Variants in OXCT1 observed in about 807,000 individuals in gnomAD.
OXCT1 encodes succinyl-CoA:3-ketoacid coenzyme A transferase 1, mitochondrial.
A neutral mutation model predicts 69.6 loss-of-function variants in OXCT1; 27 were observed. The ratio of observed to expected loss-of-function variants is 0.39; its 90% CI spans 0.29 to 0.54. The LOEUF is 0.54. OXCT1 is among the 20% of genes least tolerant of loss of function. The pLI, the probability that OXCT1 is intolerant of heterozygous loss-of-function variation, is 0.72. For synonymous variants in OXCT1, 202 were observed against 217.8 expected (o/e 0.93, Z 0.64); for missense variants, 437 against 650.2 (o/e 0.67, Z 3.57).
At chr5:41,859,539 A>G (rs145920782) in intron 3 of OXCT1, among the ~76,000 whole-genome samples, 2 of 152,236 alleles carry the variant, frequency 1.3e-5, no homozygotes, top group East Asian at 3.9e-4. Flanking sequence ...GGCCCCTCGA[A>G]TAAGGGAGGA....
intron 7 of OXCT1, among the ~76,000 whole-genome samples, chr5:41,819,569 C>A (rs1579805901): frequency 6.6e-6 from 1 of 152,080 alleles, no homozygotes; most frequent in Admixed American, 6.5e-5. Context: ...AGGGTTTCGC[C>A]ACATTTGCCA....
At chr5:41,847,286 C>G (rs1443524643) in intron 5 of OXCT1, among the ~76,000 whole-genome samples, 4 of 151,988 alleles carry the variant, frequency 2.6e-5, no homozygotes, top group Admixed American at 6.6e-5. Flanking sequence ...TGGCAATAAT[C>G]AATAGCTTAC....
intron 5 of OXCT1, chr5:41,843,476 T>C: frequency 2.2e-6 from 1 of 450,154 alleles, no homozygotes; most frequent in Non-Finnish European, 4.5e-6. Context: ...CTTCTGACAT[T>C]ACTGATCTAG....
At chr5:41,736,991 A>C (rs1742915945) in intron 16 of OXCT1, among the ~76,000 whole-genome samples, 1 of 152,244 alleles carries the variant, frequency 6.6e-6, no homozygotes, top group Admixed American at 6.5e-5. Flanking sequence ...TTTTGTAATT[A>C]AATGTATCCT....
rs1746059139 is a variant in OXCT1 at position 41,794,081 on chromosome 5, GAGAA to G, written c.1173-7_1173-4del. ...GCATTGTCAGATCGACGTGTCCACT[GAGAA>G]AGAAAGAGGAAGAATAAAGTGAACC... On this transcript the variant is annotated splice_region_variant and splice_polypyrimidine_tract_variant and intron_variant, in intron 12 of 16. Coordinates refer to ENST00000196371, the MANE Select transcript of OXCT1 (RefSeq NM_000436.4). 2 of 1,608,534 alleles carry G rather than the reference GAGAA, an allele frequency of 1.2e-6. No homozygotes were observed. Among genetic ancestry groups the G allele is most frequent in the African/African-American group, 1.3e-5 (1 of 74,782 alleles).
At chr5:41,854,131 TA>T (rs1378706840) in intron 3 of OXCT1, among the ~76,000 whole-genome samples, 1 of 151,948 alleles carries the variant, frequency 6.6e-6, no homozygotes, top group Non-Finnish European at 1.5e-5. Flanking sequence ...CCCTATATCA[TA>T]AATCTTTTGC....
chr5:41,764,427 T>C (rs1397315614), intron 13 of OXCT1, among the ~76,000 whole-genome samples: 8 of 152,166 alleles, frequency 5.3e-5, no homozygotes. Flanking sequence ...ATGTCTAGTA[T>C]AAGTGTTGCT....
intron 16 of OXCT1, among the ~76,000 whole-genome samples, chr5:41,739,139 T>A (rs1743031729): frequency 6.6e-6 from 1 of 152,204 alleles, no homozygotes; most frequent in Non-Finnish European, 1.5e-5. Flanking sequence ...AGCTCAACCT[T>A]GTTTCTAGCA....
At chr5:41,857,536 G>T (rs1311618345) in intron 3 of OXCT1, among the ~76,000 whole-genome samples, 2 of 152,160 alleles carry the variant, frequency 1.3e-5, no homozygotes, top group African/African-American at 2.4e-5. Flanking sequence ...CCAATGGGAG[G>T]CACCATCAAG....
intron 7 of OXCT1, among the ~76,000 whole-genome samples, chr5:41,834,487 C>CAAAAAAAAAAAA (rs1209653207): frequency 1.3e-5 from 1 of 75,108 alleles, no homozygotes. Flanking sequence ...TGGAAACCCA[C>CAAAAAAAAAAAA]AAAAAAAAAA....
chr5:41,839,967 C>T (rs926698144), intron 7 of OXCT1, among the ~76,000 whole-genome samples: 45 of 152,182 alleles, frequency 3.0e-4, no homozygotes, highest in African/African-American at 1.1e-3. Flanking sequence ...TATCCAAGCC[C>T]CTTCCAAACA....
intron 16 of OXCT1, among the ~76,000 whole-genome samples, chr5:41,733,969 G>A (rs115238181): frequency 1.3e-5 from 2 of 152,322 alleles, no homozygotes; most frequent in African/African-American, 4.8e-5. Context: ...TATATTGCTT[G>A]ACTCTGGTAG....
intron 3 of OXCT1, among the ~76,000 whole-genome samples, chr5:41,855,843 A>G (rs915481836): frequency 2.6e-5 from 4 of 152,218 alleles, no homozygotes; most frequent in Admixed American, 2.6e-4. Context: ...GAGGAGAAAG[A>G]TAGCAGAAAA....
At chr5:41,840,140 TA>T (rs1748555393) in intron 7 of OXCT1, among the ~76,000 whole-genome samples, 1 of 152,232 alleles carries the variant, frequency 6.6e-6, no homozygotes, top group African/African-American at 2.4e-5. Context: ...GGATTCCACA[TA>T]CATAAATTCA....
intron 16 of OXCT1, among the ~76,000 whole-genome samples, chr5:41,738,684 A>T (rs530119431): frequency 6.6e-6 from 1 of 152,366 alleles, no homozygotes; most frequent in South Asian, 2.1e-4. Context: ...TTAACTTCAA[A>T]TAGACTGAGC....
chr5:41,801,115 C>A (rs554564673), intron 10 of OXCT1, 45 bp from the exon 11 acceptor site: 1 of 1,371,172 alleles, frequency 7.3e-7, no homozygotes, highest in South Asian at 1.2e-5. Flanking sequence ...AAGATTCTCA[C>A]TGAATCACAT....
chr5:41,807,215 A>G (rs1474727089), intron 8 of OXCT1, 116 bp downstream of exon 8: 9 of 710,710 alleles, frequency 1.3e-5, no homozygotes, highest in Non-Finnish European at 2.3e-5. Flanking sequence ...TCTTACTAAG[A>G]TCCAAGACCA....
intron 4 of OXCT1, among the ~76,000 whole-genome samples, chr5:41,852,253 C>T (rs921395399): frequency 3.3e-5 from 5 of 152,052 alleles, no homozygotes; most frequent in Admixed American, 2.6e-4. Context: ...ATACCAAGCC[C>T]AGTGCAATGC....
At chr5:41,769,053 T>C (rs1374221566) in intron 13 of OXCT1, among the ~76,000 whole-genome samples, 1 of 152,194 alleles carries the variant, frequency 6.6e-6, no homozygotes, top group Non-Finnish European at 1.5e-5. Flanking sequence ...GTATCAATCA[T>C]GATGACTTCT....
Sources: gnomAD v4.1 joint callset for allele counts (sites outside exome capture counted in the v4.1 genomes callset) on GRCh38, gnomAD v4.1.1 for gene constraint, MANE v1.5 for transcripts, NCBI Gene and HGNC (gene_info 2026-07-23, HGNC 2026-07-21) for gene names.